The following ARIH1 variants were observed in gnomAD, a reference collection of about 807,000 sequenced individuals.
The protein encoded by ARIH1 is E3 ubiquitin-protein ligase ARIH1.
In ARIH1, 8 loss-of-function variants were observed where a neutral mutation model predicts 85.0. That is an observed-to-expected ratio of 0.09 (90% CI 0.06 to 0.17). The LOEUF is 0.17. Ranked by LOEUF, ARIH1 falls within the 10% of genes least tolerant of loss-of-function variation. The pLI, the probability that ARIH1 is intolerant of heterozygous loss-of-function variation, is 1.00. For missense variants in ARIH1, 311 were observed against 718.1 expected (o/e 0.43, Z 6.48); for synonymous variants, 238 against 253.6 (o/e 0.94, Z 0.59).
intron 7 of ARIH1, 32 bp from the exon 8 acceptor site, chr15:72,566,531 T>C (rs181949390): frequency 2.6e-5 from 41 of 1,593,412 alleles, no homozygotes; most frequent in Non-Finnish European, 3.4e-5. Flanking sequence ...AGGTAGGCCT[T>C]AATTCTATTA....
chr15:72,483,855 A>G (rs1487510259), intron 1 of ARIH1, among the ~76,000 whole-genome samples: 2 of 147,594 alleles, frequency 1.4e-5, no homozygotes, highest in African/African-American at 5.1e-5. Flanking sequence ...GATTTTTTTC[A>G]TTACTGTTTT....
chr15:72,556,400 G>A (rs2064174705), intron 5 of ARIH1, among the ~76,000 whole-genome samples: 1 of 152,140 alleles, frequency 6.6e-6, no homozygotes, highest in African/African-American at 2.4e-5. Context: ...GCCCATAGAG[G>A]AATACCTCAA....
rs529508191 is a variant in ARIH1 at position 72,512,327 on chromosome 15, T to C, written c.376-5740T>C. Among the ~76,000 whole-genome samples, 22 of 152,214 alleles carry C rather than the reference T, an allele frequency of 1.4e-4. No homozygotes were observed. In the South Asian group the frequency reaches 2.7e-3, roughly 19 times the overall value. ...ACATACTCAGTTTGCTTAATAGATA[T>C]AGGATCATTCGTGTTGTGTCTTCTT... On this transcript the variant is annotated intron_variant, in intron 1 of 13. Coordinates refer to ENST00000379887, the MANE Select transcript of ARIH1 (RefSeq NM_005744.5).
At chr15:72,485,059 T>C (rs769621031) in intron 1 of ARIH1, among the ~76,000 whole-genome samples, 52 of 152,200 alleles carry the variant, frequency 3.4e-4, no homozygotes, top group Admixed American at 1.9e-3. Flanking sequence ...CGTAGAAGTG[T>C]TCCCTTCTCA....
At chr15:72,522,450 G>A (rs2064004543) in intron 2 of ARIH1, among the ~76,000 whole-genome samples, 1 of 152,168 alleles carries the variant, frequency 6.6e-6, no homozygotes, top group Non-Finnish European at 1.5e-5. Context: ...AACCCGGGAG[G>A]CTGAGGTTGT....
At chr15:72,566,072 C>G (rs1212372099) in intron 7 of ARIH1, among the ~76,000 whole-genome samples, 1 of 152,068 alleles carries the variant, frequency 6.6e-6, no homozygotes, top group Non-Finnish European at 1.5e-5. Flanking sequence ...TTATACCTTG[C>G]CCAGTACCAT....
intron 3 of ARIH1, 21 bp downstream of exon 3, chr15:72,544,985 G>A (rs756442722): frequency 1.3e-6 from 2 of 1,527,692 alleles, no homozygotes; most frequent in South Asian, 1.3e-5. Context: ...GGTAGTTTAA[G>A]GCTAGTGCTG....
chr15:72,538,848 CTT>C (rs1172475921), intron 2 of ARIH1, among the ~76,000 whole-genome samples: 1 of 152,164 alleles, frequency 6.6e-6, no homozygotes, highest in Non-Finnish European at 1.5e-5. Context: ...TGAGAAACTG[CTT>C]AAATCCAATA....
intron 2 of ARIH1, among the ~76,000 whole-genome samples, chr15:72,535,172 C>G (rs1024915862): frequency 3.7e-4 from 56 of 151,414 alleles, no homozygotes; most frequent in Middle Eastern, 3.4e-3. Context: ...AGGATGGTCT[C>G]GAACTCCTGA....
At chr15:72,532,443 C>A (rs1398200436) in intron 2 of ARIH1, among the ~76,000 whole-genome samples, 1 of 152,022 alleles carries the variant, frequency 6.6e-6, no homozygotes, top group Non-Finnish European at 1.5e-5. Context: ...TTAAAATGTT[C>A]TTATAAAGAA....
chr15:72,549,071 A>G (rs1202420951), intron 3 of ARIH1, among the ~76,000 whole-genome samples: 1 of 150,892 alleles, frequency 6.6e-6, no homozygotes, highest in Non-Finnish European at 1.5e-5. Flanking sequence ...AGCTTCGACT[A>G]CAGCGTCTCT....
intron 3 of ARIH1, among the ~76,000 whole-genome samples, chr15:72,552,617 CA>C (rs915437218): frequency 6.7e-6 from 1 of 149,516 alleles, no homozygotes; most frequent in Non-Finnish European, 1.5e-5. Context: ...ACAACAACAA[CA>C]AAAAAAAACA....
chr15:72,521,738 A>G (rs562344260), intron 2 of ARIH1, among the ~76,000 whole-genome samples: 1 of 151,586 alleles, frequency 6.6e-6, no homozygotes, highest in East Asian at 1.9e-4. Flanking sequence ...TAGTAGAGAG[A>G]GGGTTTCACC....
chr15:72,493,488 T>G (rs924747551), intron 1 of ARIH1, among the ~76,000 whole-genome samples: 1 of 152,186 alleles, frequency 6.6e-6, no homozygotes, highest in African/African-American at 2.4e-5. Context: ...CATACCCTCA[T>G]TGCAGATACT....
At chr15:72,515,412 A>G (rs1464385785) in intron 1 of ARIH1, among the ~76,000 whole-genome samples, 1 of 152,176 alleles carries the variant, frequency 6.6e-6, no homozygotes, top group Non-Finnish European at 1.5e-5. Context: ...TATCTGGGTC[A>G]TCTAGGAGTC....
intron 1 of ARIH1, among the ~76,000 whole-genome samples, chr15:72,490,912 T>A (rs1322369836): frequency 6.6e-6 from 1 of 151,928 alleles, no homozygotes; most frequent in Non-Finnish European, 1.5e-5. Flanking sequence ...GGTCAGGAGT[T>A]CGAGACCAGC....
rs59597213 is a variant in ARIH1, at chr15:72,595,808, G to GTTTTTTTTTTTTTTTTTTTTTT, written c.*12534_*12535insTTTTTTTTTTTTTTTTTTTTTT. The GTTTTTTTTTTTTTTTTTTTTTT allele has an allele frequency of 8.1e-6, 1 of 122,826 alleles. No individual in the cohort carries two copies. 7.6% of individuals were successfully genotyped at this position (122,826 alleles called of 1,614,324 possible). ...TATTGCAGTGTTTTTTGTTTTTTCT[G>GTTTTTTTTTTTTTTTTTTTTTT]TTTTTTTTTTTTTTTTTTCATCTTT... On this transcript the variant is annotated 3_prime_UTR_variant, in exon 14 of 14. Transcript: ENST00000379887.
chr15:72,508,763 G>A (rs535772775), intron 1 of ARIH1, among the ~76,000 whole-genome samples: 3 of 148,490 alleles, frequency 2.0e-5, no homozygotes, highest in African/African-American at 7.5e-5. Flanking sequence ...GTGCAGTCTC[G>A]GCTCACTGCA....
intron 1 of ARIH1, among the ~76,000 whole-genome samples, chr15:72,477,653 CT>C (rs953534281): frequency 6.6e-5 from 10 of 152,180 alleles, no homozygotes; most frequent in East Asian, 3.9e-4. Context: ...TTTCAGAAAA[CT>C]TGGTTTTCTG....
Sources: allele counts gnomAD v4.1 joint callset (sites outside exome capture counted in the v4.1 genomes callset), GRCh38; gene constraint gnomAD v4.1.1; transcripts MANE v1.5; gene names NCBI Gene and HGNC (gene_info 2026-07-23, HGNC 2026-07-21).